Variants in ASIC2 observed in about 807,000 individuals in gnomAD.
ASIC2 encodes acid sensing ion channel subunit 2.
ASIC2 carries 25 observed loss-of-function variants against 57.3 expected under a neutral mutation model. The ratio of observed to expected loss-of-function variants is 0.44; its 90% confidence interval spans 0.32 to 0.61. The LOEUF is 0.61. ASIC2 is among the 20% of genes least tolerant of loss of function. The pLI, the probability that ASIC2 is intolerant of heterozygous loss-of-function variation, is 0.06. For synonymous variants in ASIC2, 319 were observed against 307.5 expected (o/e 1.04, Z -0.39); for missense variants, 641 against 738.1 (o/e 0.87, Z 1.52).
chr17:33,097,068 A>C (rs370517906), intron 2 of ASIC2, among the ~76,000 whole-genome samples: 2 of 152,264 alleles, frequency 1.3e-5, no homozygotes, highest in East Asian at 3.9e-4. Flanking sequence ...CCAGAATCCA[A>C]CCCTTGTCTG....
At chr17:33,988,105 C>T (rs4794985) in intron 1 of ASIC2, among the ~76,000 whole-genome samples, 18,214 of 152,062 alleles carry the variant, frequency 0.12, 1,464 homozygotes, top group East Asian at 0.35. Flanking sequence ...GAAGAGCATA[C>T]ATAAGAGACC....
chr17:33,799,694 A>G (rs1912073587), intron 1 of ASIC2, among the ~76,000 whole-genome samples: 1 of 151,642 alleles, frequency 6.6e-6, no homozygotes, highest in Admixed American at 6.6e-5. Context: ...AGGTAGGCTG[A>G]CACCTCTGCT....
intron 1 of ASIC2, among the ~76,000 whole-genome samples, chr17:33,623,880 C>A (rs1016081853): frequency 3.3e-5 from 5 of 152,078 alleles, no homozygotes; most frequent in African/African-American, 1.2e-4. Context: ...AAGGCTCCAG[C>A]CCCCCACCTT....
In ASIC2 at chr17:34,120,543, G is replaced by A. The variant is rs117753532; in HGVS notation, c.555+35435C>T. ...ACATATTTCAGGGGGTAGGGGAGAAGAGGATCAATTGTTATGGGTTGAATT... is the reference window on the plus strand; with the variant it reads ...ACATATTTCAGGGGGTAGGGGAGAAAAGGATCAATTGTTATGGGTTGAATT... On this transcript the variant is annotated intron_variant, in intron 1 of 9. Transcript: ENST00000359872. Among the ~76,000 whole-genome samples the A allele has an allele frequency of 1.9e-3, 293 of 151,858 alleles. 1 individual carries two copies. Among genetic ancestry groups the A allele is most frequent in the Admixed American group, 3.1e-3 (47 of 15,214 alleles).
At chr17:33,242,279 T>C (rs1041514134) in intron 1 of ASIC2, among the ~76,000 whole-genome samples, 1 of 149,604 alleles carries the variant, frequency 6.7e-6, no homozygotes, top group Non-Finnish European at 1.5e-5. Flanking sequence ...ATCTCGCCAC[T>C]GCACTTCAGC....
chr17:33,818,185 G>T (rs959184356), intron 1 of ASIC2, among the ~76,000 whole-genome samples: 2 of 152,176 alleles, frequency 1.3e-5, no homozygotes, highest in Non-Finnish European at 2.9e-5. Flanking sequence ...TGAAGAGCAT[G>T]TGGGAAGGGA....
chr17:33,621,253 G>A (rs1905784519), intron 1 of ASIC2, among the ~76,000 whole-genome samples: 1 of 152,190 alleles, frequency 6.6e-6, no homozygotes, highest in Admixed American at 6.5e-5. Flanking sequence ...TGTAAGTGCT[G>A]TAAGAGTCCA....
At chr17:33,251,868 G>T (rs561264209) in intron 1 of ASIC2, among the ~76,000 whole-genome samples, 36 of 152,298 alleles carry the variant, frequency 2.4e-4, no homozygotes, top group Middle Eastern at 3.4e-3. Context: ...TTTGATTTCA[G>T]GAGACAGTCC....
chr17:33,172,558 T>A (rs1299269412), intron 1 of ASIC2, among the ~76,000 whole-genome samples: 1 of 152,186 alleles, frequency 6.6e-6, no homozygotes, highest in Non-Finnish European at 1.5e-5. Context: ...ACAGGCCCTC[T>A]GGACAGCCAC....
chr17:33,196,925 TG>T (rs1202030230), intron 1 of ASIC2, among the ~76,000 whole-genome samples: 1 of 152,216 alleles, frequency 6.6e-6, no homozygotes, highest in Non-Finnish European at 1.5e-5. Context: ...TGGAGGAAGC[TG>T]TCTGTCCCCT....
rs1909361573 is a variant in ASIC2 at position 34,070,605 on chromosome 17, A to T, written c.555+85373T>A. The T allele has an allele frequency of 2.6e-5, 4 of 152,198 alleles. No homozygotes were observed. The South Asian group carries it at 8.3e-4, about 32-fold the overall frequency. 9.4% of individuals were successfully genotyped at this position (152,198 alleles called of 1,614,324 possible). ...ATAGGCTCCCTGAGTCCCATGTAGC[A>T]TAGAGATACAAGATGGCCTCATCAG... On this transcript the variant is annotated intron_variant, in intron 1 of 9. Transcript: ENST00000359872.
chr17:33,943,110 A>G (rs1265882329), intron 1 of ASIC2, among the ~76,000 whole-genome samples: 1 of 152,276 alleles, frequency 6.6e-6, no homozygotes, highest in Admixed American at 6.5e-5. Flanking sequence ...GAATGATCTA[A>G]GATCACACAA....
chr17:34,077,542 A>G (rs1419364439), intron 1 of ASIC2, among the ~76,000 whole-genome samples: 2 of 152,310 alleles, frequency 1.3e-5, no homozygotes, highest in African/African-American at 4.8e-5. Flanking sequence ...AACGGTTACC[A>G]TGGAACACAG....
At chr17:33,407,716 G>A (rs976457393) in intron 1 of ASIC2, among the ~76,000 whole-genome samples, 12 of 152,202 alleles carry the variant, frequency 7.9e-5, no homozygotes, top group Non-Finnish European at 2.9e-5. Context: ...AAATTAGATT[G>A]GATAAATGAT....
At chr17:33,746,629 T>C (rs2083747117) in intron 1 of ASIC2, among the ~76,000 whole-genome samples, 1 of 151,904 alleles carries the variant, frequency 6.6e-6, no homozygotes, top group Non-Finnish European at 1.5e-5. Flanking sequence ...ACAATAATGG[T>C]TAGAGGCTTT....
intron 1 of ASIC2, among the ~76,000 whole-genome samples, chr17:33,401,816 G>C (rs542358673): frequency 6.6e-6 from 1 of 152,300 alleles, no homozygotes; most frequent in East Asian, 1.9e-4. Flanking sequence ...GCCTGGAAAG[G>C]AGAGAGCAGA....
intron 3 of ASIC2, among the ~76,000 whole-genome samples, chr17:33,081,986 G>T (rs1483834868): frequency 6.6e-6 from 1 of 152,190 alleles, no homozygotes; most frequent in African/African-American, 2.4e-5. Context: ...GCAAGGTGTT[G>T]TGTGATGGTA....
Position 33,567,708 on chromosome 17 carries a change from A to T in ASIC2, c.556-455641T>A, listed in dbSNP as rs1000832572. The stretch of plus-strand genomic sequence containing the variant: ...CAGATTAAGGCCTGAGCAATTGGGT[A>T]CATGGAGGCACCTTTTACTGAGATG... On this transcript the variant is annotated intron_variant, in intron 1 of 9. Coordinates refer to the ASIC2 transcript ENST00000359872. 2.0e-5 allele frequency among the ~76,000 whole-genome samples: 3 copies of T among 152,156 alleles called. No individual in the cohort carries two copies. In the East Asian group the frequency reaches 5.8e-4, roughly 29 times the overall value.
chr17:34,045,375 A>G (rs983909719), intron 1 of ASIC2, among the ~76,000 whole-genome samples: 1 of 152,222 alleles, frequency 6.6e-6, no homozygotes, highest in Admixed American at 6.5e-5. Context: ...AACACTCTTA[A>G]AAGAAGATAA....
Sources: gnomAD v4.1 joint callset for allele counts (sites outside exome capture counted in the v4.1 genomes callset) on GRCh38, gnomAD v4.1.1 for gene constraint, MANE v1.5 for transcripts, NCBI Gene and HGNC (gene_info 2026-07-23, HGNC 2026-07-21) for gene names.